The following CSMD1 variants were observed in gnomAD, a reference collection of about 807,000 sequenced individuals.
The protein encoded by CSMD1 is CUB and sushi domain-containing protein 1.
A neutral mutation model predicts 417.5 loss-of-function variants in CSMD1; 213 were observed. That is an observed-to-expected ratio of 0.51 (90% CI 0.46 to 0.57). CSMD1 has a LOEUF of 0.57. Among genes scored for constraint, CSMD1 ranks in the 20% least tolerant of loss-of-function variants. The probability of loss-of-function intolerance (pLI) is 0.00; values close to 1 mark genes in which losing one functional copy is unlikely to be tolerated. For missense variants in CSMD1, 6,923 were observed against 4,529.7 expected, an observed-to-expected ratio of 1.53 and a Z score of -15.17; for synonymous variants, 2,862 against 1,736.8, an observed-to-expected ratio of 1.65 and a Z score of -16.11.
At chr8:3,696,486 C>G (rs1314715090) in intron 7 of CSMD1, among the ~76,000 whole-genome samples, 1 of 152,168 alleles carries the variant, frequency 6.6e-6, no homozygotes, top group Admixed American at 6.5e-5. Flanking sequence ...TGCAGTGAAC[C>G]CAACGGATGT....
At chr8:3,197,991 A>C (rs75747108) in intron 33 of CSMD1, among the ~76,000 whole-genome samples, 2,475 of 152,318 alleles carry the variant, frequency 0.016, 76 homozygotes, top group African/African-American at 0.057. Flanking sequence ...TTAGAAATTT[A>C]TAAAATATTG....
intron 5 of CSMD1, among the ~76,000 whole-genome samples, chr8:3,843,325 G>T (rs951562185): frequency 6.6e-6 from 1 of 151,998 alleles, no homozygotes; most frequent in Non-Finnish European, 1.5e-5. Context: ...CTCATTGAAC[G>T]AAATCGTTTG....
At chr8:4,957,354 G>A (rs201216132) in intron 1 of CSMD1, among the ~76,000 whole-genome samples, 1 of 152,148 alleles carries the variant, frequency 6.6e-6, no homozygotes, top group Non-Finnish European at 1.5e-5. Context: ...AGCACATTTG[G>A]CAGTTTGTGA....
intron 22 of CSMD1, among the ~76,000 whole-genome samples, chr8:3,347,225 GC>G: frequency 6.6e-6 from 1 of 152,342 alleles, no homozygotes; most frequent in East Asian, 1.9e-4. Context: ...GTTTCTTGAA[GC>G]TTTTCCTTTT....
chr8:3,925,597 C>G (rs1238191951), intron 5 of CSMD1, among the ~76,000 whole-genome samples: 1 of 152,032 alleles, frequency 6.6e-6, no homozygotes, highest in Non-Finnish European at 1.5e-5. Context: ...CAGTCTTTCC[C>G]CTACTATTCT....
At chr8:3,615,351 T>C (rs1802082724) in intron 8 of CSMD1, among the ~76,000 whole-genome samples, 1 of 152,154 alleles carries the variant, frequency 6.6e-6, no homozygotes, top group Admixed American at 6.6e-5. Context: ...TCTGCTTAGC[T>C]CTTTACTCCA....
chr8:3,903,672 C>T (rs139882660), intron 5 of CSMD1, among the ~76,000 whole-genome samples: 2 of 152,244 alleles, frequency 1.3e-5, no homozygotes, highest in East Asian at 3.9e-4. Flanking sequence ...TTGACCCTGG[C>T]TGTCTAATGA....
chr8:4,748,865 G>T (rs1348892312), intron 1 of CSMD1, among the ~76,000 whole-genome samples: 1 of 152,230 alleles, frequency 6.6e-6, no homozygotes. Context: ...CCCTTCAGGA[G>T]AGTTATTCAA....
intron 1 of CSMD1, among the ~76,000 whole-genome samples, chr8:4,951,025 T>C (rs1419880373): frequency 6.6e-6 from 1 of 152,044 alleles, no homozygotes; most frequent in African/African-American, 2.4e-5. Context: ...AAGGGACCTA[T>C]ACATAATTTA....
At chr8:3,837,635 C>A (rs886923406) in intron 5 of CSMD1, among the ~76,000 whole-genome samples, 3 of 152,108 alleles carry the variant, frequency 2.0e-5, no homozygotes, top group Non-Finnish European at 4.4e-5. Flanking sequence ...GAATTTTCTG[C>A]GGATTGTAAG....
chr8:3,507,012 A>G (rs1487253418), intron 10 of CSMD1, among the ~76,000 whole-genome samples: 1 of 152,180 alleles, frequency 6.6e-6, no homozygotes, highest in South Asian at 2.1e-4. Flanking sequence ...TTCATACAAG[A>G]TGTTGTAAGA....
At chr8:4,311,658 G>C (rs1798580261) in intron 3 of CSMD1, among the ~76,000 whole-genome samples, 1 of 149,958 alleles carries the variant, frequency 6.7e-6, no homozygotes, top group African/African-American at 2.5e-5. Flanking sequence ...GGGAGGCAGA[G>C]GCTGCAGTGA....
At chr8:4,058,374 C>G (rs1485967270) in intron 3 of CSMD1, among the ~76,000 whole-genome samples, 1 of 152,044 alleles carries the variant, frequency 6.6e-6, no homozygotes, top group Non-Finnish European at 1.5e-5. Flanking sequence ...TGATTTTTGT[C>G]CATTGATTTT....
intron 5 of CSMD1, among the ~76,000 whole-genome samples, chr8:3,992,978 C>G (rs1304306729): frequency 1.3e-5 from 2 of 152,140 alleles, no homozygotes; most frequent in East Asian, 3.9e-4. Context: ...TGGAAACGGC[C>G]ACAGTTGGAC....
chr8:3,922,355 A>T (rs934357762), intron 5 of CSMD1, among the ~76,000 whole-genome samples: 4 of 152,110 alleles, frequency 2.6e-5, no homozygotes, highest in Non-Finnish European at 5.9e-5. Context: ...ATTAAAAAAA[A>T]ATTAAGTAAC....
chr8:3,450,875 C>G (rs1249070634), intron 12 of CSMD1, among the ~76,000 whole-genome samples: 1 of 151,652 alleles, frequency 6.6e-6, no homozygotes, highest in Admixed American at 6.6e-5. Flanking sequence ...TTCTAGATCC[C>G]TGAGGAATCG....
At chr8:4,624,643 T>A (rs1801991769) in intron 2 of CSMD1, among the ~76,000 whole-genome samples, 1 of 152,090 alleles carries the variant, frequency 6.6e-6, no homozygotes, top group Non-Finnish European at 1.5e-5. Flanking sequence ...CAACGGTGGG[T>A]CGGTGCCCAG....
intron 5 of CSMD1, among the ~76,000 whole-genome samples, chr8:3,957,229 A>G (rs2740848): frequency 0.45 from 69,027 of 151,874 alleles, 16,480 homozygotes; most frequent in East Asian, 0.73. Context: ...GAAATATAGG[A>G]GCAAAGACAG....
At chr8:3,223,088 C>T (rs904547997) in intron 28 of CSMD1, among the ~76,000 whole-genome samples, 1 of 152,264 alleles carries the variant, frequency 6.6e-6, no homozygotes, top group Non-Finnish European at 1.5e-5. Flanking sequence ...AGTTAGAAAA[C>T]ATCTTTGGAT....
Sources: allele counts gnomAD v4.1 joint callset (sites outside exome capture counted in the v4.1 genomes callset), GRCh38; gene constraint gnomAD v4.1.1; transcripts MANE v1.5; gene names NCBI Gene and HGNC (gene_info 2026-07-23, HGNC 2026-07-21).